Variants in ZNF462 observed in about 807,000 individuals in gnomAD.
ZNF462 encodes zinc finger PBX1-interacting protein.
ZNF462 carries 10 observed loss-of-function variants against 201.9 expected under a neutral mutation model. That is an observed-to-expected ratio of 0.05 (90% CI 0.03 to 0.08). The LOEUF (loss-of-function observed/expected upper bound fraction) is 0.08, where lower values mean the gene tolerates loss of function less well. Among genes scored for constraint, ZNF462 ranks in the 10% least tolerant of loss-of-function variants. ZNF462 has a pLI of 1.00. For missense variants in ZNF462, 2,523 were observed against 3,168.3 expected (o/e 0.80, Z 4.89); for synonymous variants, 1,227 against 1,193.3 (o/e 1.03, Z -0.58).
At chr9:106,906,201 C>G (rs902489219) in intron 1 of ZNF462, among the ~76,000 whole-genome samples, 1 of 152,182 alleles carries the variant, frequency 6.6e-6, no homozygotes, top group Non-Finnish European at 1.5e-5. Context: ...AGGAGGGTCT[C>G]CCTTTCCCAT....
In ZNF462 at chr9:106,928,144, A is replaced by G. The variant is rs1221649476; in HGVS notation, c.4232A>G (p.Asp1411Gly). 6.2e-7 allele frequency: 1 copy of G among 1,614,178 alleles called. No individual in the cohort carries two copies. Among genetic ancestry groups the G allele is most frequent in the Admixed American group, 1.7e-5 (1 of 60,030 alleles). The stretch of plus-strand genomic sequence containing the variant: ...CTACTGGACATCATCAAGGAGAAAG[A>G]TGCTGTGGAGAAGCCCATTCTTTCA... ...SVLLDIIKEK[D>G]AVEKPILSSE... The change falls in exon 3 of 13, where the codon GAT (aspartate) becomes GGT (glycine). Residue 1411 changes from aspartate (D) to glycine (G), a missense_variant. Around this residue, in one of 15 missense-constraint regions of ZNF462, gnomAD observed 165 missense variants for 142.6 expected, o/e 1.16. Transcript: ENST00000277225. The surrounding 1 kb of genome is among the most constrained non-coding windows in gnomAD (Gnocchi z 9.3).
intron 1 of ZNF462, among the ~76,000 whole-genome samples, chr9:106,893,727 T>G (rs1828690484): frequency 6.6e-6 from 1 of 152,224 alleles, no homozygotes; most frequent in African/African-American, 2.4e-5. Flanking sequence ...GTTGTCTCAT[T>G]TAATCCTCAC....
intron 7 of ZNF462, among the ~76,000 whole-genome samples, chr9:106,960,236 T>G (rs1831769030): frequency 6.6e-6 from 1 of 152,086 alleles, no homozygotes; most frequent in African/African-American, 2.4e-5. Flanking sequence ...TTCCTCTTGA[T>G]TATCGAATCT....
rs959070545 is a variant in ZNF462, at chr9:106,935,023, T to C, written c.6117-480T>C. Among the ~76,000 whole-genome samples the C allele has an allele frequency of 6.6e-6, 1 of 152,210 alleles. No individual in the cohort carries two copies. Among genetic ancestry groups the C allele is most frequent in the African/African-American group, 2.4e-5 (1 of 41,450 alleles). On this transcript the variant is annotated intron_variant, in intron 5 of 12. Transcript: ENST00000277225. This position sits in a 1 kb window ranked among gnomAD's most constrained non-coding sequence, Gnocchi z 4.1. ...ACTTCGAAACCTCCCTTCCTCACTC[T>C]AGTGTTCACAATGAAAGTAGAATTA...
At chr9:106,899,292 G>A (rs1828956157) in intron 1 of ZNF462, among the ~76,000 whole-genome samples, 1 of 151,386 alleles carries the variant, frequency 6.6e-6, no homozygotes, top group African/African-American at 2.4e-5. Context: ...CCCTAGATGG[G>A]TGAGAGTTTA....
rs1829491903 is a variant in ZNF462, at chr9:107,005,664, T to C, written c.7189+2238T>C. On this transcript the variant is annotated intron_variant, in intron 11 of 12. Transcript: ENST00000277225. The surrounding 1 kb of genome is among the most constrained non-coding windows in gnomAD (Gnocchi z 4.4). ...TTACTGTGTTGATTGTTTCCTTGGC[T>C]GTGCAGAAGCTGTTTAGTTTGATGT... 6.6e-6 allele frequency among the ~76,000 whole-genome samples: 1 copy of C among 152,238 alleles called. No homozygotes were observed. The highest frequency in any genetic ancestry group is 1.5e-5 in the Non-Finnish European group (1 of 68,038).
At chr9:106,960,652 CA>C (rs902069122) in intron 7 of ZNF462, among the ~76,000 whole-genome samples, 27 of 152,114 alleles carry the variant, frequency 1.8e-4, no homozygotes, top group African/African-American at 6.5e-4. Context: ...GAGTTTCCTC[CA>C]AAAAACATTA....
intron 1 of ZNF462, among the ~76,000 whole-genome samples, chr9:106,875,121 G>A (rs1015604823): frequency 6.6e-6 from 1 of 152,126 alleles, no homozygotes; most frequent in African/African-American, 2.4e-5. Flanking sequence ...CTTCTCAACG[G>A]TAAATATCTG....
Position 106,923,302 on chromosome 9 carries a change from G to A in ZNF462, c.-30-52G>A, listed in dbSNP as rs778574242. 29 of 1,355,366 alleles carry A rather than the reference G, an allele frequency of 2.1e-5. 1 individual carries two copies. The highest frequency in any genetic ancestry group is 2.9e-5 in the Non-Finnish European group (28 of 949,214). 84.0% of individuals were successfully genotyped at this position (1,355,366 alleles called of 1,614,324 possible). A position where few individuals can be genotyped will look rare whatever the true frequency, so the allele number is the denominator to read the frequency against. The stretch of plus-strand genomic sequence containing the variant: ...TGGATATATAGCCCCATCAGCTCGA[G>A]GTATGTGATTAGTGCATTCCTTAAG... On this transcript the variant is annotated intron_variant, in intron 1 of 12. Transcript: ENST00000277225. The surrounding 1 kb of genome is among the most constrained non-coding windows in gnomAD (Gnocchi z 5.6).
In ZNF462 at chr9:106,981,640, G is replaced by A. The variant is rs1477542349; in HGVS notation, c.6833-2546G>A. On this transcript the variant is annotated intron_variant, in intron 9 of 12. Coordinates refer to ENST00000277225, the MANE Select transcript of ZNF462 (RefSeq NM_021224.6). The surrounding 1 kb of genome is among the most constrained non-coding windows in gnomAD (Gnocchi z 4.0). ...TGAATAATTACTTGAACTTCAGGGTGTTATTCTGACTATTCATGACTTTGT... is the reference window on the plus strand; with the variant it reads ...TGAATAATTACTTGAACTTCAGGGTATTATTCTGACTATTCATGACTTTGT... 6.6e-6 allele frequency among the ~76,000 whole-genome samples: 1 copy of A among 152,156 alleles called. No individual in the cohort carries two copies. The highest frequency in any genetic ancestry group is 1.5e-5 in the Non-Finnish European group (1 of 68,018).
In ZNF462 at chr9:106,876,551, T is replaced by G. The variant is rs536001071; in HGVS notation, c.-31+13196T>G. ...TATTACATCTTCAACTGATGTTCTGTGGATGAAGCAGCACTCTGTATTGCT... is the reference window on the plus strand; with the variant it reads ...TATTACATCTTCAACTGATGTTCTGGGGATGAAGCAGCACTCTGTATTGCT... On this transcript the variant is annotated intron_variant, in intron 1 of 12. Transcript: ENST00000277225. The surrounding 1 kb of genome is among the most constrained non-coding windows in gnomAD (Gnocchi z 4.9). 6.6e-6 allele frequency among the ~76,000 whole-genome samples: 1 copy of G among 152,356 alleles called. No individual in the cohort carries two copies. The highest frequency in any genetic ancestry group is 1.5e-5 in the Non-Finnish European group (1 of 68,024).
At chr9:106,937,335 T>C (rs1379805228) in intron 6 of ZNF462, among the ~76,000 whole-genome samples, 1 of 152,166 alleles carries the variant, frequency 6.6e-6, no homozygotes, top group Non-Finnish European at 1.5e-5. Flanking sequence ...TCACTTCACA[T>C]GTGAACCCAT....
rs1039207338 is a variant in ZNF462, at chr9:106,977,260, C to T, written c.6832+2987C>T. Among the ~76,000 whole-genome samples, 24 of 147,230 alleles carry T rather than the reference C, an allele frequency of 1.6e-4. No individual in the cohort carries two copies. The highest frequency in any genetic ancestry group is 5.7e-4 in the African/African-American group (21 of 36,792). On this transcript the variant is annotated intron_variant, in intron 9 of 12. Coordinates refer to ENST00000277225, the MANE Select transcript of ZNF462 (RefSeq NM_021224.6). The surrounding 1 kb of genome is among the most constrained non-coding windows in gnomAD (Gnocchi z 4.6). ...GATCTCAAAGTAACAAGACATGGCT[C>T]CTTCTGCACCTGTCCTCTTCCTGCT...
At chr9:106,862,378 C>G (rs1043041722), upstream of ZNF462, among the ~76,000 whole-genome samples, 4 of 152,110 alleles carry the variant, frequency 2.6e-5, no homozygotes, top group East Asian at 7.8e-4. This position sits in a 1 kb window ranked among gnomAD's most constrained non-coding sequence, Gnocchi z 4.2. Flanking sequence ...TATGAGCTGC[C>G]GGGCAGGGTC....
At chr9:106,942,096 C>G (rs556882830) in intron 7 of ZNF462, among the ~76,000 whole-genome samples, 2 of 152,174 alleles carry the variant, frequency 1.3e-5, no homozygotes, top group Admixed American at 1.3e-4. Flanking sequence ...TGGGGGGAGT[C>G]AAGATCCATA....
intron 7 of ZNF462, among the ~76,000 whole-genome samples, chr9:106,965,277 G>C (rs367545613): frequency 2.2e-4 from 33 of 152,174 alleles, no homozygotes; most frequent in African/African-American, 7.9e-4. Flanking sequence ...TGGAAGTGAG[G>C]CTGGAGACAT....
At chr9:106,951,907 G>A (rs1369661160) in intron 7 of ZNF462, among the ~76,000 whole-genome samples, 1 of 151,078 alleles carries the variant, frequency 6.6e-6, no homozygotes, top group Non-Finnish European at 1.5e-5. Context: ...GCGGCATCAA[G>A]TGTGACTCTT....
At chr9:106,866,207 C>G (rs983201634) in intron 1 of ZNF462, among the ~76,000 whole-genome samples, 1 of 152,208 alleles carries the variant, frequency 6.6e-6, no homozygotes, top group African/African-American at 2.4e-5. Flanking sequence ...CAACTTACAA[C>G]AGCATTTTTC....
chr9:106,953,442 C>T (rs774840694), intron 7 of ZNF462, among the ~76,000 whole-genome samples: 10 of 152,102 alleles, frequency 6.6e-5, no homozygotes, highest in Non-Finnish European at 1.2e-4. Flanking sequence ...TCTGCTCTTG[C>T]CTCATCCTTC....
Sources: gnomAD v4.1 joint callset for allele counts (sites outside exome capture counted in the v4.1 genomes callset) on GRCh38, gnomAD v4.1.1 for gene constraint, gnomAD v4.1.1 regional missense constraint, Gnocchi (gnomAD v3.1) non-coding constraint, MANE v1.5 for transcripts, NCBI Gene and HGNC (gene_info 2026-07-23, HGNC 2026-07-21) for gene names.